The following SPATS2 variants were observed in gnomAD, a reference collection of about 807,000 sequenced individuals.
SPATS2 encodes the protein spermatogenesis associated serine rich 2, also known as spermatogenesis-associated serine-rich protein 2.
SPATS2 carries 38 observed loss-of-function variants against 63.7 expected under a neutral mutation model. The ratio of observed to expected loss-of-function variants is 0.60; its 90% CI spans 0.46 to 0.78. SPATS2 has a LOEUF of 0.78. SPATS2 is among the 30% of genes least tolerant of loss of function. SPATS2 has a pLI of 0.00. For missense variants in SPATS2, 588 were observed against 666.2 expected, an observed-to-expected ratio of 0.88 and a Z score of 1.29; for synonymous variants, 207 against 232.9, an observed-to-expected ratio of 0.89 and a Z score of 1.01.
chr12:49,411,554 A>G (rs1944797652), intron 2 of SPATS2, among the ~76,000 whole-genome samples: 1 of 152,202 alleles, frequency 6.6e-6, no homozygotes, highest in African/African-American at 2.4e-5. Flanking sequence ...TCAATATTCA[A>G]AGAATCATAT....
intron 2 of SPATS2, chr12:49,389,626 TA>T: frequency 1.7e-6 from 2 of 1,159,812 alleles, no homozygotes; most frequent in Non-Finnish European, 2.6e-6. Context: ...CAGCTCTCAA[TA>T]AGCGAGTAGA....
At position 49,390,535 on chromosome 12, in the gene SPATS2, G is replaced by C. The variant is rs181396767; in HGVS notation, c.-244+19245G>C. 7.0e-4 allele frequency among the ~76,000 whole-genome samples: 107 copies of C among 152,270 alleles called. 1 individual carries two copies. Among genetic ancestry groups the C allele is most frequent in the Admixed American group, 1.0e-3 (16 of 15,292 alleles). On this transcript the variant is annotated intron_variant, in intron 2 of 13. Transcript: ENST00000552918. ...TTTAAAAATATAAAGTTTTGCCACT[G>C]TTTTGTGAATGGAAGATTTGCATGC...
At chr12:49,401,148 C>G (rs1352983286) in intron 2 of SPATS2, among the ~76,000 whole-genome samples, 5 of 152,030 alleles carry the variant, frequency 3.3e-5, no homozygotes, top group Non-Finnish European at 7.4e-5. Context: ...GTAGCTGGAA[C>G]TATAGCCAAG....
intron 2 of SPATS2, among the ~76,000 whole-genome samples, chr12:49,437,447 A>C (rs962366248): frequency 5.3e-5 from 8 of 152,206 alleles, no homozygotes; most frequent in African/African-American, 1.9e-4. Flanking sequence ...CAGAGGCTGC[A>C]ATCTCAGCAC....
intron 3 of SPATS2, among the ~76,000 whole-genome samples, chr12:49,478,331 C>A (rs1383776138): frequency 6.6e-6 from 1 of 152,102 alleles, no homozygotes; most frequent in Non-Finnish European, 1.5e-5. Context: ...ATTCTTGTGA[C>A]AATAACTTCC....
chr12:49,470,101 G>T (rs532281901), intron 3 of SPATS2, among the ~76,000 whole-genome samples: 2 of 151,672 alleles, frequency 1.3e-5, no homozygotes, highest in East Asian at 3.9e-4. Context: ...GCACAGTCTT[G>T]GCTCACTGCA....
chr12:49,459,246 C>A (rs1279830824), intron 2 of SPATS2, among the ~76,000 whole-genome samples: 1 of 152,080 alleles, frequency 6.6e-6, no homozygotes, highest in Non-Finnish European at 1.5e-5. Flanking sequence ...GGTGGAGGGA[C>A]TTGTGTGCTA....
chr12:49,383,162 C>T (rs1354624007), intron 2 of SPATS2, among the ~76,000 whole-genome samples: 2 of 150,912 alleles, frequency 1.3e-5, no homozygotes, highest in South Asian at 2.1e-4. Flanking sequence ...GGATTACAGG[C>T]GCACACCACC....
intron 2 of SPATS2, among the ~76,000 whole-genome samples, chr12:49,378,463 A>G (rs1944149871): frequency 6.7e-6 from 1 of 149,876 alleles, no homozygotes; most frequent in African/African-American, 2.5e-5. Flanking sequence ...ACGCCCGGCT[A>G]ATTTTTTGTA....
chr12:49,509,971 T>G (rs1946722221), intron 9 of SPATS2, among the ~76,000 whole-genome samples: 1 of 151,948 alleles, frequency 6.6e-6, no homozygotes, highest in Admixed American at 6.6e-5. Context: ...TGAATAGGTT[T>G]TAAGGCCATT....
intron 2 of SPATS2, among the ~76,000 whole-genome samples, chr12:49,402,242 G>A (rs1044027379): frequency 6.6e-6 from 1 of 152,232 alleles, no homozygotes; most frequent in African/African-American, 2.4e-5. Flanking sequence ...TGCCAGGCAG[G>A]TATGATGAAA....
intron 10 of SPATS2, among the ~76,000 whole-genome samples, chr12:49,515,817 G>C (rs894469224): frequency 2.0e-5 from 3 of 151,708 alleles, no homozygotes; most frequent in African/African-American, 7.3e-5. Context: ...GACCAGCCTA[G>C]GCAACATAGT....
intron 3 of SPATS2, among the ~76,000 whole-genome samples, chr12:49,473,695 C>T (rs1273825853): frequency 2.0e-5 from 3 of 152,058 alleles, no homozygotes; most frequent in Non-Finnish European, 2.9e-5. Flanking sequence ...ATAATCATAC[C>T]GTGAAATATT....
At chr12:49,379,007 T>A (rs990502026) in intron 2 of SPATS2, among the ~76,000 whole-genome samples, 1 of 151,786 alleles carries the variant, frequency 6.6e-6, no homozygotes, top group Admixed American at 6.6e-5. Context: ...AACCTCTGCC[T>A]CCCGGGTTCA....
At chr12:49,502,752 T>C (rs137967075) in intron 9 of SPATS2, among the ~76,000 whole-genome samples, 63 of 152,244 alleles carry the variant, frequency 4.1e-4, no homozygotes, top group African/African-American at 1.4e-3. Context: ...CCACTGCGCC[T>C]GGCTGTCTTC....
intron 2 of SPATS2, among the ~76,000 whole-genome samples, chr12:49,418,418 G>T (rs144378227): frequency 5.3e-5 from 8 of 152,032 alleles, no homozygotes; most frequent in African/African-American, 1.7e-4. Flanking sequence ...TCCGGTCTTA[G>T]CCTCCCTAGT....
intron 9 of SPATS2, among the ~76,000 whole-genome samples, chr12:49,504,632 G>C (rs1946624238): frequency 6.6e-6 from 1 of 151,842 alleles, no homozygotes; most frequent in Admixed American, 6.6e-5. Flanking sequence ...AAGAGAAAAA[G>C]ATTATCAAGA....
At chr12:49,388,579 T>G (rs935286005) in intron 2 of SPATS2, among the ~76,000 whole-genome samples, 2 of 152,026 alleles carry the variant, frequency 1.3e-5, no homozygotes, top group African/African-American at 4.8e-5. Flanking sequence ...TTTTACCATG[T>G]TACTCAGGCT....
intron 9 of SPATS2, among the ~76,000 whole-genome samples, chr12:49,507,084 C>A (rs147431572): frequency 6.6e-6 from 1 of 152,304 alleles, no homozygotes; most frequent in East Asian, 1.9e-4. Flanking sequence ...TATAAGAATA[C>A]TCCATCTGAA....
Sources: gnomAD v4.1 joint callset for allele counts (sites outside exome capture counted in the v4.1 genomes callset) on GRCh38, gnomAD v4.1.1 for gene constraint, MANE v1.5 for transcripts, NCBI Gene and HGNC (gene_info 2026-07-23, HGNC 2026-07-21) for gene names.